The following ASNSD1 variants were observed in gnomAD, a reference collection of about 807,000 sequenced individuals.
ASNSD1 encodes the protein asparagine synthetase domain-containing protein 1.
A neutral mutation model predicts 48.3 loss-of-function variants in ASNSD1; 36 were observed. That is an observed-to-expected ratio of 0.75 (90% CI 0.57 to 0.99). ASNSD1 has a LOEUF of 0.99. Among genes scored for constraint, ASNSD1 ranks in the 50% least tolerant of loss-of-function variants. The pLI, the probability that ASNSD1 is intolerant of heterozygous loss-of-function variation, is 0.00. For missense variants in ASNSD1, 714 were observed against 758.2 expected (o/e 0.94, Z 0.69); for synonymous variants, 257 against 262.1 (o/e 0.98, Z 0.19).
chr2:189,665,596 GTGTATATATATATATATATA>G lies in ASNSD1; in HGVS notation c.-93+147_-93+166del, dbSNP rs1252252170. The G allele has an allele frequency of 2.1e-3, 231 of 111,576 alleles. 11 individuals carry two copies. Among genetic ancestry groups the G allele is most frequent in the Middle Eastern group, 4.2e-3 (1 of 236 alleles). The allele number at this position is 111,576 out of a possible 1,614,324, so 6.9% of individuals were successfully genotyped here. A position where few individuals can be genotyped will look rare whatever the true frequency, so the allele number is the denominator to read the frequency against. On this transcript the variant is annotated intron_variant, in intron 3 of 5. Transcript: ENST00000260952. The stretch of plus-strand genomic sequence containing the variant: ...GATGAGTCAACAGTTATATATATAT[GTGTATATATATATATATATA>G]TATATATATATATATATATATATAT...
chr2:189,663,692 GTT>G (rs1574276651), intron 1 of ASNSD1, among the ~76,000 whole-genome samples: 1 of 152,294 alleles, frequency 6.6e-6, no homozygotes, highest in African/African-American at 2.4e-5. Context: ...TCTAATCACT[GTT>G]TTTTCTCCTC....
chr2:189,664,977 T>C (rs1035744158), intron 2 of ASNSD1, among the ~76,000 whole-genome samples: 15 of 152,230 alleles, frequency 9.9e-5, no homozygotes, highest in African/African-American at 3.6e-4. Context: ...AAATGTCTAG[T>C]ATTTGAAGCT....
chr2:189,666,574 A>G lies in ASNSD1; in HGVS notation c.442A>G (p.Ser148Gly). Residue 148 changes from serine (S) to glycine (G), a missense_variant, in exon 4 of 6, where the codon AGT becomes GGT. Physicochemically the swap from Ser to Gly is moderately conservative, Grantham distance 56 (BLOSUM62 0). Transcript: ENST00000260952. ...FGRRSLLWHF[S>G]NLGKSFCLSS... ...TCGCCGTAGCTTGCTTTGGCATTTT[A>G]GTAATTTGGGCAAGAGTTTCTGCCT... 1 of 1,614,050 alleles carries G rather than the reference A, an allele frequency of 6.2e-7. No individual in the cohort carries two copies. The highest frequency in any genetic ancestry group is 1.3e-5 in the African/African-American group (1 of 75,046).
chr2:189,666,139 G>A lies in ASNSD1; in HGVS notation c.7G>A (p.Gly3Ser). 6.4e-7 allele frequency: 1 copy of A among 1,557,146 alleles called. No individual in the cohort carries two copies. The highest frequency in any genetic ancestry group is 8.7e-7 in the Non-Finnish European group (1 of 1,154,142). ...AACCTGATTTCACATAACAATGTGT[G>A]GCATTTGTTGTTCTGTAAACTTTTC... is the stretch of plus-strand genomic sequence containing the variant. MC[G>S]ICCSVNFSAE... Residue 3 changes from glycine to serine, a missense_variant, in exon 4 of 6, where the codon GGC (glycine) becomes AGC (serine). Transcript: ENST00000260952.
rs908015636 is a variant in ASNSD1, at chr2:189,665,619, T to C, written c.-93+168T>C. Among the ~76,000 whole-genome samples, 13 of 112,772 alleles carry C rather than the reference T, an allele frequency of 1.2e-4. 1 individual carries two copies. Among genetic ancestry groups the C allele is most frequent in the African/African-American group, 2.1e-4 (6 of 28,340 alleles). 74.0% of individuals were successfully genotyped at this position (112,772 alleles called of 152,430 possible). The stretch of plus-strand genomic sequence containing the variant: ...ATGTGTATATATATATATATATATA[T>C]ATATATATATATATATATATATATA... On this transcript the variant is annotated intron_variant, in intron 3 of 5. Coordinates refer to ENST00000260952, the MANE Select transcript of ASNSD1 (RefSeq NM_019048.4).
intron 5 of ASNSD1, 51 bp downstream of exon 5, chr2:189,667,996 A>AGT: frequency 6.5e-7 from 1 of 1,526,870 alleles, no homozygotes; most frequent in East Asian, 2.3e-5. Context: ...AAAACAGCAG[A>AGT]GTGTAAATGG....
rs1420155076 is a variant in ASNSD1 at position 189,661,496 on chromosome 2, C to A, written c.-337C>A. On this transcript the variant is annotated 5_prime_UTR_variant, in exon 1 of 6. Coordinates refer to ENST00000260952, the MANE Select transcript of ASNSD1 (RefSeq NM_019048.4). ...GTAGGCTCCTTCAGGGCTGAGCCAT[C>A]CCGCGTGTCTTGCGCTCGGTGGAAA... 3.0e-5 allele frequency: 12 copies of A among 399,276 alleles called. No homozygotes were observed. Among genetic ancestry groups the A allele is most frequent in the Admixed American group, 2.2e-4 (5 of 22,736 alleles). 24.7% of individuals were successfully genotyped at this position (399,276 alleles called of 1,614,324 possible).
intron 2 of ASNSD1, among the ~76,000 whole-genome samples, chr2:189,664,663 C>T (rs1181966982): frequency 1.3e-5 from 2 of 152,004 alleles, no homozygotes; most frequent in African/African-American, 2.4e-5. Flanking sequence ...GCACAAGAAT[C>T]GCTTGAACCT....
At chr2:189,663,393 A>ATAT (rs2032715628) in intron 1 of ASNSD1, among the ~76,000 whole-genome samples, 1 of 152,058 alleles carries the variant, frequency 6.6e-6, no homozygotes, top group Non-Finnish European at 1.5e-5. Flanking sequence ...AGCTGGGATT[A>ATAT]CAGGCATGTG....
intron 2 of ASNSD1, among the ~76,000 whole-genome samples, chr2:189,664,823 A>G (rs2032748595): frequency 1.2e-5 from 1 of 85,680 alleles, no homozygotes; most frequent in Non-Finnish European, 3.2e-5. Flanking sequence ...AGTCTCAACA[A>G]TTCAAAACTA....
At chr2:189,665,616 A>G (rs370946194) in intron 3 of ASNSD1, among the ~76,000 whole-genome samples, 165 bp downstream of exon 3, 49,465 of 106,742 alleles carry the variant, frequency 0.46, 12,627 homozygotes, top group Admixed American at 0.59. Context: ...ATATATATAT[A>G]TATATATATA....
intron 1 of ASNSD1, among the ~76,000 whole-genome samples, chr2:189,662,230 CAATAT>C (rs1471992803): frequency 6.6e-6 from 1 of 152,070 alleles, no homozygotes. Context: ...GAGAGGAAGC[CAATAT>C]AATATAAGCC....
At chr2:189,663,195 C>G (rs1002603037) in intron 1 of ASNSD1, among the ~76,000 whole-genome samples, 3 of 151,244 alleles carry the variant, frequency 2.0e-5, no homozygotes, top group Non-Finnish European at 3.0e-5. Flanking sequence ...AATTTTCAAT[C>G]TAAATCACAA....
At chr2:189,664,223 A>G (rs112922585) in intron 2 of ASNSD1, among the ~76,000 whole-genome samples, 3 of 152,292 alleles carry the variant, frequency 2.0e-5, no homozygotes, top group African/African-American at 7.2e-5. Flanking sequence ...AGCTATAATC[A>G]CTAATGATGT....
intron 5 of ASNSD1, among the ~76,000 whole-genome samples, chr2:189,669,373 T>C (rs930067670): frequency 6.6e-6 from 1 of 152,248 alleles, no homozygotes; most frequent in East Asian, 1.9e-4. Flanking sequence ...GTAAAAGCCC[T>C]TACTTATGAA....
intron 3 of ASNSD1, 23 bp downstream of exon 3, chr2:189,665,474 T>A (rs2032763872): frequency 2.5e-6 from 1 of 394,496 alleles, no homozygotes; most frequent in South Asian, 1.3e-4. Context: ...TTTTTTGGGG[T>A]TTTTGGGGGG....
chr2:189,670,605 T>C lies in ASNSD1; in HGVS notation c.1811T>C (p.Met604Thr). Residue 604 changes from methionine (M) to threonine (T), a missense_variant, in exon 6 of 6, where the codon ATG (methionine) becomes ACG (threonine). Physicochemically the swap from Met to Thr is moderately conservative, Grantham distance 81. Transcript: ENST00000260952. ...TASALLPKRAMQFGSRIAKME... is the reference protein window; with the variant it reads ...TASALLPKRATQFGSRIAKME... ...TCTGCTCTTCTGCCCAAACGGGCCA[T>C]GCAGTTTGGATCAAGAATTGCAAAA... The C allele has an allele frequency of 2.5e-6, 4 of 1,614,064 alleles. No homozygotes were observed. Among genetic ancestry groups the C allele is most frequent in the Non-Finnish European group, 2.5e-6 (3 of 1,179,988 alleles).
In ASNSD1 at chr2:189,667,247, A is replaced by C. The variant is rs750799341; in HGVS notation, c.1115A>C (p.Asn372Thr). 1.9e-6 allele frequency: 3 copies of C among 1,614,158 alleles called. No individual in the cohort carries two copies. Among genetic ancestry groups the C allele is most frequent in the Non-Finnish European group, 2.5e-6 (3 of 1,180,016 alleles). The change falls in exon 4 of 6, where the codon AAT (asparagine) becomes ACT (threonine). Residue 372 changes from asparagine (N) to threonine (T), a missense_variant. By Grantham distance (65) the Asn-to-Thr change is moderately conservative (BLOSUM62 0). Coordinates refer to ENST00000260952, the MANE Select transcript of ASNSD1 (RefSeq NM_019048.4). ...TMPTTFNREG[N>T]KQKNKCEIPS... is the part of the protein sequence containing the mutation. ...CCAACTACCTTTAACAGAGAAGGGA[A>C]TAAACAGAAAAATAAATGTGAAATA...
At chr2:189,663,495 C>T (rs539348581) in intron 1 of ASNSD1, among the ~76,000 whole-genome samples, 5 of 152,142 alleles carry the variant, frequency 3.3e-5, no homozygotes, top group African/African-American at 7.2e-5. Context: ...TCAGGTGATC[C>T]GCCCGCCTTG....
Sources: allele counts gnomAD v4.1 joint callset (sites outside exome capture counted in the v4.1 genomes callset), GRCh38; gene constraint gnomAD v4.1.1; transcripts MANE v1.5; gene names NCBI Gene and HGNC (gene_info 2026-07-23, HGNC 2026-07-21).